The following PCDHGC3 variants were observed in gnomAD, a reference collection of about 807,000 sequenced individuals.
PCDHGC3 encodes the protein protocadherin gamma subfamily C, 3, also known as protocadherin gamma-C3.
A neutral mutation model predicts 59.2 loss-of-function variants in PCDHGC3; 26 were observed. That is an observed-to-expected ratio of 0.44 (90% CI 0.32 to 0.61). PCDHGC3 has a LOEUF of 0.61. PCDHGC3 is among the 20% of genes least tolerant of loss of function. The pLI, the probability that PCDHGC3 is intolerant of heterozygous loss-of-function variation, is 0.05. For missense variants in PCDHGC3, 1,080 were observed against 1,221.8 expected, an observed-to-expected ratio of 0.88 and a Z score of 1.73; for synonymous variants, 487 against 519.7, an observed-to-expected ratio of 0.94 and a Z score of 0.86.
chr5:141,491,284 A>C lies in PCDHGC3; in HGVS notation c.2431-3523A>C. ...AATGCCCAAATCCAGTGACTTCCTC[A>C]TACACCCTCCTGAGCGTTCAGACCT... On this transcript the variant is annotated intron_variant, in intron 1 of 3. Transcript: ENST00000308177. The surrounding 1 kb of genome is among the most constrained non-coding windows in gnomAD (Gnocchi z 6.9). 1.2e-6 allele frequency: 2 copies of C among 1,614,128 alleles called. No homozygotes were observed. The highest frequency in any genetic ancestry group is 1.7e-6 in the Non-Finnish European group (2 of 1,179,978).
chr5:141,486,653 C>G lies in PCDHGC3; in HGVS notation c.2430+8107C>G. On this transcript the variant is annotated intron_variant, in intron 1 of 3. Transcript: ENST00000308177. This position sits in a 1 kb window ranked among gnomAD's most constrained non-coding sequence, Gnocchi z 5.0. ...CTTGAATGCGCTTATCTCCTACTCA[C>G]TCCTGGAGCCCAGGAATCGAGATGT... is the stretch of plus-strand genomic sequence containing the variant. 1 of 1,613,968 alleles carries G rather than the reference C, an allele frequency of 6.2e-7. No individual in the cohort carries two copies. Among genetic ancestry groups the G allele is most frequent in the Non-Finnish European group, 8.5e-7 (1 of 1,180,034 alleles).
At chr5:141,483,955 G>A (rs1244162791) in intron 1 of PCDHGC3, among the ~76,000 whole-genome samples, 1 of 144,218 alleles carries the variant, frequency 6.9e-6, no homozygotes, top group African/African-American at 2.6e-5. Flanking sequence ...ATTGTGTTGT[G>A]TTTCTGTGCT....
In PCDHGC3 at chr5:141,487,519, T is replaced by C. The variant is rs1288070159; in HGVS notation, c.2431-7288T>C. The C allele has an allele frequency of 6.2e-7, 1 of 1,614,046 alleles. No individual in the cohort carries two copies. ...CCTTGGCTTCTGCACCCACTCGGAG[T>C]GATAGCTTCATGATGGTGAAGTCAC... On this transcript the variant is annotated intron_variant, in intron 1 of 3. Transcript: ENST00000308177. The surrounding 1 kb of genome is among the most constrained non-coding windows in gnomAD (Gnocchi z 5.0).
intron 3 of PCDHGC3, among the ~76,000 whole-genome samples, chr5:141,507,673 G>A (rs184362608): frequency 6.6e-5 from 10 of 152,368 alleles, no homozygotes; most frequent in Admixed American, 2.6e-4. Context: ...AAATCCAGAT[G>A]TTAAAAACAG....
chr5:141,501,500 C>G (rs1385290676), intron 2 of PCDHGC3, among the ~76,000 whole-genome samples: 1 of 151,934 alleles, frequency 6.6e-6, no homozygotes, highest in Non-Finnish European at 1.5e-5. Context: ...GCTGCTGGGG[C>G]TCCAAGGCCT....
Position 141,490,652 on chromosome 5 carries a change from C to T in PCDHGC3, c.2431-4155C>T, listed in dbSNP as rs1277273880. The T allele has an allele frequency of 1.2e-6, 2 of 1,614,208 alleles. No individual in the cohort carries two copies. The highest frequency in any genetic ancestry group is 1.7e-6 in the Non-Finnish European group (2 of 1,180,026). On this transcript the variant is annotated intron_variant, in intron 1 of 3. Coordinates refer to ENST00000308177, the MANE Select transcript of PCDHGC3 (RefSeq NM_002588.4). The surrounding 1 kb of genome is among the most constrained non-coding windows in gnomAD (Gnocchi z 5.4). ...ATCCTAGAAAACCGGCCTCCGGGCT[C>T]CCTTCTTTGCACTGTGGCTGCCTCA...
In PCDHGC3 at chr5:141,477,681, T is replaced by G; in HGVS notation, c.1565T>G (p.Leu522Ter). Residue 522 changes from leucine to a stop codon, truncating the protein, a stop_gained, in exon 1 of 4, where the codon TTA becomes TGA. Transcript: ENST00000308177. LOFTEE classifies it high-confidence loss of function. This position sits in a 1 kb window ranked among gnomAD's most constrained non-coding sequence, Gnocchi z 4.9. ...INRDNGIVSS[L>*]VPLDYEDRRE... is the part of the protein sequence containing the mutation. ...CGTGACAATGGCATAGTGTCATCCT[T>G]AGTGCCCCTAGACTATGAGGATCGG... 1 of 1,614,180 alleles carries G rather than the reference T, an allele frequency of 6.2e-7. No individual in the cohort carries two copies. Among genetic ancestry groups the G allele is most frequent in the Non-Finnish European group, 8.5e-7 (1 of 1,180,046 alleles).
chr5:141,511,381 G>A lies in PCDHGC3; in HGVS notation c.*208G>A, dbSNP rs545793377. 97 of 1,170,372 alleles carry A rather than the reference G, an allele frequency of 8.3e-5. No homozygotes were observed. In the East Asian group the frequency reaches 9.2e-4, roughly 11 times the overall value. 72.5% of individuals were successfully genotyped at this position (1,170,372 alleles called of 1,614,324 possible). On this transcript the variant is annotated 3_prime_UTR_variant, in exon 4 of 4. Transcript: ENST00000308177. ...GGGTTGAATATGCAAAAGCAGTTCC[G>A]CTGGGAACCCCCATCCAATCAACTG...
chr5:141,511,304 CTTGGGAAA>C lies in PCDHGC3; in HGVS notation c.*132_*139del. ...TGGTAGGGGCCAAGGCCATGCTCCC[CTTGGGAAA>C]CAGAAACAAGTGCCCAGTCAGCACC... is the stretch of plus-strand genomic sequence containing the variant. On this transcript the variant is annotated 3_prime_UTR_variant, in exon 4 of 4. Transcript: ENST00000308177. The C allele has an allele frequency of 2.0e-6, 3 of 1,490,438 alleles. No individual in the cohort carries two copies. The South Asian group carries it at 4.0e-5, about 20-fold the overall frequency. 92.3% of individuals were successfully genotyped at this position (1,490,438 alleles called of 1,614,324 possible). A position where few individuals can be genotyped will look rare whatever the true frequency, so the allele number is the denominator to read the frequency against.
intron 1 of PCDHGC3, chr5:141,478,878 T>A: frequency 8.0e-7 from 1 of 1,250,194 alleles, no homozygotes; most frequent in Non-Finnish European, 1.1e-6. Flanking sequence ...GAGTTTAGCT[T>A]GGTATCATTT....
At position 141,477,226 on chromosome 5, in the gene PCDHGC3, C is replaced by G. The variant is rs779570150; in HGVS notation, c.1110C>G (p.Val370=). 59 of 1,614,076 alleles carry G rather than the reference C, an allele frequency of 3.7e-5. No homozygotes were observed. The highest frequency in any genetic ancestry group is 1.3e-4 in the Admixed American group (8 of 60,004). The change falls in exon 1 of 4, where the codon GTC becomes GTG. Residue 370 remains valine (V), a synonymous_variant. Coordinates refer to ENST00000308177, the MANE Select transcript of PCDHGC3 (RefSeq NM_002588.4). This position sits in a 1 kb window ranked among gnomAD's most constrained non-coding sequence, Gnocchi z 4.9. ...PVPEDAPLGT[V]IALLSVTDLD... is the part of the protein sequence containing the mutation. ...CCGAGGATGCCCCTCTGGGGACTGT[C>G]ATCGCTTTGCTCAGTGTGACTGACC...
chr5:141,508,826 C>T (rs2099872187), intron 3 of PCDHGC3, among the ~76,000 whole-genome samples: 1 of 152,092 alleles, frequency 6.6e-6, no homozygotes, highest in South Asian at 2.1e-4. Context: ...AGATCTGGGC[C>T]CCCCTCCCCT....
rs2099404338 is a variant in PCDHGC3, at chr5:141,477,060, C to T, written c.944C>T (p.Thr315Ile). Residue 315 changes from threonine to isoleucine, a missense_variant, in exon 1 of 4, where the codon ACC (threonine) becomes ATC (isoleucine). Thr to Ile is a moderately conservative substitution (Grantham distance 89). Coordinates refer to ENST00000308177, the MANE Select transcript of PCDHGC3 (RefSeq NM_002588.4). This position sits in a 1 kb window ranked among gnomAD's most constrained non-coding sequence, Gnocchi z 4.9. ...TIKGRLDFED[T>I]KLHEIYIQAK... Reference sequence around the variant, plus strand: ...AAGGGTCGGCTGGACTTCGAGGACACCAAACTCCATGAGATTTACATCCAG... The same window carrying T: ...AAGGGTCGGCTGGACTTCGAGGACATCAAACTCCATGAGATTTACATCCAG... 3.7e-6 allele frequency: 6 copies of T among 1,614,256 alleles called. No individual in the cohort carries two copies. The highest frequency in any genetic ancestry group is 5.1e-6 in the Non-Finnish European group (6 of 1,180,046).
chr5:141,503,616 A>G (rs1260134621), intron 2 of PCDHGC3, among the ~76,000 whole-genome samples: 2 of 150,944 alleles, frequency 1.3e-5, no homozygotes, highest in African/African-American at 2.4e-5. Context: ...AAAAAAAAAG[A>G]AAAAAGAAAA....
At chr5:141,480,046 A>G (rs919527311) in intron 1 of PCDHGC3, among the ~76,000 whole-genome samples, 1 of 152,206 alleles carries the variant, frequency 6.6e-6, no homozygotes, top group Non-Finnish European at 1.5e-5. Context: ...ATATGCAAAA[A>G]GGGAATAATA....
Position 141,511,350 on chromosome 5 carries a change from C to G in PCDHGC3, c.*177C>G, listed in dbSNP as rs1303365585. 4.3e-6 allele frequency: 6 copies of G among 1,397,194 alleles called. No homozygotes were observed. Among genetic ancestry groups the G allele is most frequent in the East Asian group, 2.5e-5 (1 of 39,862 alleles). The allele number at this position is 1,397,194 out of a possible 1,614,324, so 86.5% of individuals were successfully genotyped here. On this transcript the variant is annotated 3_prime_UTR_variant, in exon 4 of 4. Transcript: ENST00000308177. ...CCCAGTCAGCACCTACCCCTTCCCC[C>G]CCAGGGGGTTGAATATGCAAAAGCA...
At chr5:141,502,862 C>CTTTT (rs2154593209) in intron 2 of PCDHGC3, among the ~76,000 whole-genome samples, 1 of 68,550 alleles carries the variant, frequency 1.5e-5, no homozygotes, top group African/African-American at 9.9e-5. Flanking sequence ...CCCTGACTCT[C>CTTTT]TGTCTTTTTT....
At position 141,478,393 on chromosome 5, in the gene PCDHGC3, G is replaced by A. The variant is rs2099452978; in HGVS notation, c.2277G>A (p.Gln759=). 1 of 1,613,488 alleles carries A rather than the reference G, an allele frequency of 6.2e-7. No individual in the cohort carries two copies. The highest frequency in any genetic ancestry group is 1.1e-5 in the South Asian group (1 of 91,090). Residue 759 remains glutamine, a synonymous_variant, in exon 1 of 4, where the codon CAG becomes CAA. Transcript: ENST00000308177. ...GGLMSPHLYH[Q]VYLTTDSRRS... ...TGATGTCGCCGCACCTTTACCATCA[G>A]GTGTATCTCACCACGGACTCCCGCC...
In PCDHGC3 at chr5:141,490,673, C is replaced by T; in HGVS notation, c.2431-4134C>T. ...GGCTCCCTTCTTTGCACTGTGGCTG[C>T]CTCAGATCCAGACACTGGGGATAAT... On this transcript the variant is annotated intron_variant, in intron 1 of 3. Coordinates refer to ENST00000308177, the MANE Select transcript of PCDHGC3 (RefSeq NM_002588.4). This position sits in a 1 kb window ranked among gnomAD's most constrained non-coding sequence, Gnocchi z 5.4. 1.2e-6 allele frequency: 2 copies of T among 1,614,126 alleles called. No homozygotes were observed. The highest frequency in any genetic ancestry group is 1.7e-6 in the Non-Finnish European group (2 of 1,179,952).
Sources: gnomAD v4.1 joint callset for allele counts (sites outside exome capture counted in the v4.1 genomes callset) on GRCh38, gnomAD v4.1.1 for gene constraint, Gnocchi (gnomAD v3.1) non-coding constraint, MANE v1.5 for transcripts, NCBI Gene and HGNC (gene_info 2026-07-23, HGNC 2026-07-21) for gene names.